The following HCN1 variants were observed in gnomAD, a reference collection of about 807,000 sequenced individuals.
HCN1 encodes potassium/sodium hyperpolarization-activated cyclic nucleotide-gated channel 1.
In HCN1, 13 loss-of-function variants were observed where a neutral mutation model predicts 78.9. The ratio of observed to expected loss-of-function variants is 0.16; its 90% CI spans 0.11 to 0.26. The LOEUF (loss-of-function observed/expected upper bound fraction) is 0.26, where lower values mean the gene tolerates loss of function less well. Ranked by LOEUF, HCN1 falls within the 10% of genes least tolerant of loss-of-function variation. HCN1 has a pLI of 1.00. For synonymous variants in HCN1, 552 were observed against 455.5 expected (o/e 1.21, Z -2.70); for missense variants, 810 against 1,154.3 (o/e 0.70, Z 4.32).
intron 3 of HCN1, among the ~76,000 whole-genome samples, chr5:45,434,879 A>G (rs983565410): frequency 3.3e-5 from 5 of 152,268 alleles, no homozygotes; most frequent in Non-Finnish European, 7.4e-5. Context: ...TATCTATATT[A>G]TAAAAGAATT....
chr5:45,584,063 A>G (rs923248549), intron 2 of HCN1, among the ~76,000 whole-genome samples: 12 of 152,244 alleles, frequency 7.9e-5, no homozygotes, highest in Middle Eastern at 6.8e-3. Context: ...TGCAGAGCTG[A>G]GTTCAATTCC....
At position 45,461,966 on chromosome 5, in the gene HCN1, T is replaced by C; in HGVS notation, c.891A>G (p.Arg297=). Residue 297 remains arginine (R), a synonymous_variant, in exon 3 of 8, where the codon AGA becomes AGG. Transcript: ENST00000303230. ...GCATCATGCCGATGAGATTAAAAAT[T>C]CTCACCACTGCACTGGCGAGATCAT... ...MTYDLASAVV[R]IFNLIGMMLL... 1 of 1,613,436 alleles carries C rather than the reference T, an allele frequency of 6.2e-7. No homozygotes were observed. Among genetic ancestry groups the C allele is most frequent in the Admixed American group, 1.7e-5 (1 of 59,856 alleles).
In HCN1 at chr5:45,257,587, A is replaced by T. The variant is rs186804245; in HGVS notation, c.*4334T>A. 25 of 152,302 alleles carry T rather than the reference A, an allele frequency of 1.6e-4. 1 individual carries two copies. The East Asian group carries it at 4.8e-3, about 29-fold the overall frequency. The allele number at this position is 152,302 out of a possible 1,614,324, so 9.4% of individuals were successfully genotyped here. ...TAAAATCTCCATTTGTCCCTGTCAAAGCCTGAATTGGAAGCAGGGTCAGCA... is the reference window on the plus strand; with the variant it reads ...TAAAATCTCCATTTGTCCCTGTCAATGCCTGAATTGGAAGCAGGGTCAGCA... On this transcript the variant is annotated 3_prime_UTR_variant, in exon 8 of 8. Transcript: ENST00000303230.
chr5:45,570,845 A>G (rs1394131031), intron 2 of HCN1, among the ~76,000 whole-genome samples: 2 of 152,140 alleles, frequency 1.3e-5, no homozygotes, highest in Non-Finnish European at 2.9e-5. Context: ...GAAATTTCAC[A>G]TGTAAAAACC....
chr5:45,360,105 T>C (rs2111990506), intron 4 of HCN1, among the ~76,000 whole-genome samples: 1 of 151,426 alleles, frequency 6.6e-6, no homozygotes, highest in South Asian at 2.1e-4. Context: ...TTATTAGAAA[T>C]ATCATTAAAA....
chr5:45,432,611 G>C (rs897722733), intron 3 of HCN1, among the ~76,000 whole-genome samples: 4 of 152,042 alleles, frequency 2.6e-5, no homozygotes, highest in Non-Finnish European at 5.9e-5. Context: ...GTATGATGTT[G>C]GTTATAGGTT....
chr5:45,694,680 G>C (rs1739971487), intron 1 of HCN1, among the ~76,000 whole-genome samples: 1 of 152,140 alleles, frequency 6.6e-6, no homozygotes, highest in African/African-American at 2.4e-5. Flanking sequence ...ATTTTAAAAT[G>C]GGAAGTCCAG....
intron 2 of HCN1, among the ~76,000 whole-genome samples, chr5:45,621,897 T>G (rs1453837402): frequency 6.6e-6 from 1 of 152,172 alleles, no homozygotes. Flanking sequence ...AAAAATTGTT[T>G]TACTTATCAT....
intron 2 of HCN1, among the ~76,000 whole-genome samples, chr5:45,502,714 G>A (rs986005402): frequency 6.6e-6 from 1 of 152,012 alleles, no homozygotes; most frequent in African/African-American, 2.4e-5. Context: ...TCTAAATGAA[G>A]GCCTGGTATG....
Position 45,261,025 on chromosome 5 carries a change from A to C in HCN1, c.*896T>G, listed in dbSNP as rs1744727915. ...CATACAATTTTGCATAAAACATTGC[A>C]GGTTAAAATAATATTGTAGGTTTCA... On this transcript the variant is annotated 3_prime_UTR_variant, in exon 8 of 8. Transcript: ENST00000303230. 1 of 152,632 alleles carries C rather than the reference A, an allele frequency of 6.6e-6. No individual in the cohort carries two copies. The highest frequency in any genetic ancestry group is 2.1e-4 in the South Asian group (1 of 4,836). The allele number at this position is 152,632 out of a possible 1,614,324, so 9.5% of individuals were successfully genotyped here. A position where few individuals can be genotyped will look rare whatever the true frequency, so the allele number is the denominator to read the frequency against.
chr5:45,378,557 C>T (rs1275448097), intron 4 of HCN1, among the ~76,000 whole-genome samples: 1 of 152,034 alleles, frequency 6.6e-6, no homozygotes, highest in Non-Finnish European at 1.5e-5. Flanking sequence ...TAATTGTTGT[C>T]TATCTATCCA....
intron 5 of HCN1, among the ~76,000 whole-genome samples, chr5:45,308,735 T>C (rs1261640226): frequency 6.6e-6 from 1 of 152,178 alleles, no homozygotes; most frequent in Non-Finnish European, 1.5e-5. Flanking sequence ...GAGTCTGTTC[T>C]TGTACCAGTA....
Position 45,589,977 on chromosome 5 carries a change from G to C in HCN1, c.849+55208C>G, listed in dbSNP as rs189072155. The stretch of plus-strand genomic sequence containing the variant: ...TAGTCTATTTAGAAAATGTCAATCA[G>C]TCATCAAGGCAAGATATCAATTGGA... On this transcript the variant is annotated intron_variant, in intron 2 of 7. Coordinates refer to ENST00000303230, the MANE Select transcript of HCN1 (RefSeq NM_021072.4). Among the ~76,000 whole-genome samples the C allele has an allele frequency of 4.4e-3, 667 of 152,170 alleles. 3 individuals carry two copies. The highest frequency in any genetic ancestry group is 0.015 in the Admixed American group (226 of 15,274).
intron 2 of HCN1, among the ~76,000 whole-genome samples, chr5:45,616,988 T>C (rs1418394295): frequency 1.3e-5 from 2 of 152,048 alleles, no homozygotes; most frequent in Non-Finnish European, 2.9e-5. Context: ...GTGGAAATGT[T>C]GTTATCATTT....
At chr5:45,560,247 T>G (rs1019680978) in intron 2 of HCN1, among the ~76,000 whole-genome samples, 1 of 152,148 alleles carries the variant, frequency 6.6e-6, no homozygotes, top group East Asian at 1.9e-4. Context: ...ATATAATGTT[T>G]GTATGCATTC....
chr5:45,462,122 TG>T lies in HCN1; in HGVS notation c.850-116del, dbSNP rs1741174490. 1.5e-5 allele frequency: 12 copies of T among 774,536 alleles called. No homozygotes were observed. The Admixed American group carries it at 3.0e-4, about 19-fold the overall frequency. 48.0% of individuals were successfully genotyped at this position (774,536 alleles called of 1,614,324 possible). On this transcript the variant is annotated intron_variant, in intron 2 of 7. Transcript: ENST00000303230. ...CGTAAGCATTGATTTAATAAAAATA[TG>T]GGAATAACTTGCAGAAATAGAAACA...
intron 6 of HCN1, among the ~76,000 whole-genome samples, chr5:45,290,896 G>T (rs1255113076): frequency 2.6e-5 from 4 of 151,914 alleles, no homozygotes; most frequent in East Asian, 1.9e-4. Context: ...AAGGAAAAAA[G>T]AATCTTAAAA....
chr5:45,664,422 C>T (rs1580032751), intron 1 of HCN1, among the ~76,000 whole-genome samples: 2 of 132,094 alleles, frequency 1.5e-5, no homozygotes, highest in South Asian at 2.5e-4. Context: ...CTAACCTGCA[C>T]AATGTGCACA....
chr5:45,579,521 CAA>C (rs1344355514), intron 2 of HCN1, among the ~76,000 whole-genome samples: 1 of 152,002 alleles, frequency 6.6e-6, no homozygotes, highest in Non-Finnish European at 1.5e-5. Context: ...ACTTAAAAAA[CAA>C]AGAGTGAAAT....
Sources: gnomAD v4.1 joint callset for allele counts (sites outside exome capture counted in the v4.1 genomes callset) on GRCh38, gnomAD v4.1.1 for gene constraint, MANE v1.5 for transcripts, NCBI Gene and HGNC (gene_info 2026-07-23, HGNC 2026-07-21) for gene names.